The following PXDNL variants were observed in gnomAD, a reference collection of about 807,000 sequenced individuals.
PXDNL encodes the protein peroxidasin like.
In PXDNL, 145 loss-of-function variants were observed where a neutral mutation model predicts 150.8. That is an observed-to-expected ratio of 0.96 (90% CI 0.84 to 1.10). The LOEUF (loss-of-function observed/expected upper bound fraction) is 1.10. PXDNL is among the 50% of genes least tolerant of loss of function. PXDNL has a pLI of 0.00. For synonymous variants in PXDNL, 757 were observed against 725.7 expected (o/e 1.04, Z -0.69); for missense variants, 2,087 against 1,873.9 (o/e 1.11, Z -2.10).
chr8:51,461,703 T>C (rs1045063721), intron 8 of PXDNL, among the ~76,000 whole-genome samples: 3 of 152,192 alleles, frequency 2.0e-5, no homozygotes, highest in African/African-American at 7.2e-5. Context: ...GGGTTTCCCC[T>C]AAGAGTGAGG....
At chr8:51,691,759 A>G (rs751090890) in intron 1 of PXDNL, among the ~76,000 whole-genome samples, 4 of 152,084 alleles carry the variant, frequency 2.6e-5, no homozygotes, top group Non-Finnish European at 4.4e-5. Flanking sequence ...TAAAAGCACT[A>G]CCTTATGAAC....
intron 21 of PXDNL, among the ~76,000 whole-genome samples, chr8:51,339,319 G>A (rs28662311): frequency 6.0e-4 from 92 of 152,306 alleles, no homozygotes; most frequent in African/African-American, 2.2e-3. Flanking sequence ...ACTTAGCTGG[G>A]TGTAGTGACG....
intron 3 of PXDNL, among the ~76,000 whole-genome samples, chr8:51,559,518 C>T (rs531407162): frequency 1.2e-4 from 19 of 152,080 alleles, no homozygotes; most frequent in African/African-American, 1.2e-4. Context: ...TCACCCAGAG[C>T]ACAATCTACC....
At chr8:51,634,123 A>G (rs1411725830) in intron 2 of PXDNL, among the ~76,000 whole-genome samples, 2 of 151,944 alleles carry the variant, frequency 1.3e-5, no homozygotes, top group Non-Finnish European at 2.9e-5. Flanking sequence ...TTATATCTGT[A>G]TCTTTAGTGC....
At chr8:51,722,984 A>G (rs1368942676) in intron 1 of PXDNL, among the ~76,000 whole-genome samples, 1 of 152,080 alleles carries the variant, frequency 6.6e-6, no homozygotes, top group East Asian at 1.9e-4. Flanking sequence ...TTGGCACTCA[A>G]GGGGTCTCAG....
At chr8:51,744,222 G>C (rs2036947834) in intron 1 of PXDNL, among the ~76,000 whole-genome samples, 2 of 135,312 alleles carry the variant, frequency 1.5e-5, no homozygotes, top group African/African-American at 5.5e-5. Flanking sequence ...GGAAGGAAGG[G>C]AAGAAGAGAA....
At chr8:51,577,607 T>C (rs1813085386) in intron 3 of PXDNL, among the ~76,000 whole-genome samples, 1 of 140,566 alleles carries the variant, frequency 7.1e-6, no homozygotes, top group Non-Finnish European at 1.5e-5. Context: ...TATATATATA[T>C]ATAATCAGGC....
intron 4 of PXDNL, among the ~76,000 whole-genome samples, chr8:51,518,912 G>C (rs929664126): frequency 6.6e-6 from 1 of 152,132 alleles, no homozygotes; most frequent in Non-Finnish European, 1.5e-5. Flanking sequence ...GAAGGAAGAA[G>C]GGGTGGGAGG....
intron 7 of PXDNL, 123 bp from the exon 8 acceptor site, chr8:51,472,427 G>A: frequency 1.6e-6 from 1 of 637,178 alleles, no homozygotes; most frequent in Non-Finnish European, 2.7e-6. Context: ...ACATCGAACT[G>A]CATTTACCCG....
At position 51,583,153 on chromosome 8, in the gene PXDNL, C is replaced by T. The variant is rs185511706; in HGVS notation, c.308+9474G>A. Among the ~76,000 whole-genome samples, 37 of 152,118 alleles carry T rather than the reference C, an allele frequency of 2.4e-4. No individual in the cohort carries two copies. In the East Asian group the frequency reaches 6.4e-3, roughly 26 times the overall value. On this transcript the variant is annotated intron_variant, in intron 3 of 22. Coordinates refer to ENST00000356297, the MANE Select transcript of PXDNL (RefSeq NM_144651.5). ...TATTTTTTAGGTGATTGTGTTAGTC[C>T]ATTGGCATCGCTTTAAAGGAATATC...
chr8:51,609,232 A>C (rs1563482433), intron 2 of PXDNL, among the ~76,000 whole-genome samples: 1 of 152,244 alleles, frequency 6.6e-6, no homozygotes, highest in Non-Finnish European at 1.5e-5. Context: ...TCTGTAAAAA[A>C]GAAAAAGTAA....
rs372001140 is a variant in PXDNL at position 51,423,597 on chromosome 8, G to C, written c.1773C>G (p.Thr591=). The C allele has an allele frequency of 2.6e-5, 42 of 1,613,608 alleles. No individual in the cohort carries two copies. The African/African-American group carries it at 4.5e-4, about 17-fold the overall frequency. Residue 591 remains threonine (T), a synonymous_variant, in exon 14 of 23, where the codon ACC becomes ACG. Transcript: ENST00000356297. ...TACCCGTGACTGTAAGAAACATGTTGGTCACAGCAAGGCCAAAAGAATTCC... is the reference window on the plus strand; with the variant it reads ...TACCCGTGACTGTAAGAAACATGTTCGTCACAGCAAGGCCAAAAGAATTCC... ...VARNSFGLAV[T]NMFLTVTAIQ... is the part of the protein sequence containing the mutation.
chr8:51,583,799 C>T (rs1396900545), intron 3 of PXDNL, among the ~76,000 whole-genome samples: 2 of 152,048 alleles, frequency 1.3e-5, no homozygotes, highest in African/African-American at 2.4e-5. Flanking sequence ...TGGATGAACA[C>T]ATGGATGAAA....
chr8:51,532,051 A>G (rs1159538677), intron 4 of PXDNL, among the ~76,000 whole-genome samples: 1 of 134,446 alleles, frequency 7.4e-6, no homozygotes, highest in Non-Finnish European at 1.7e-5. Flanking sequence ...GTAGATCAAG[A>G]TTATAAATTG....
chr8:51,592,787 A>G, intron 2 of PXDNL, 89 bp from the exon 3 acceptor site: 1 of 840,656 alleles, frequency 1.2e-6, no homozygotes, highest in Non-Finnish European at 1.7e-6. Flanking sequence ...AGTGCTTTAC[A>G]CAACAGAAAA....
intron 2 of PXDNL, among the ~76,000 whole-genome samples, chr8:51,627,907 G>A (rs1424183081): frequency 1.3e-5 from 2 of 152,124 alleles, no homozygotes; most frequent in Non-Finnish European, 2.9e-5. Context: ...CTGAGACAAG[G>A]TGCTTGTCTT....
At chr8:51,786,785 T>G (rs1236220996) in intron 1 of PXDNL, among the ~76,000 whole-genome samples, 2 of 152,192 alleles carry the variant, frequency 1.3e-5, no homozygotes, top group African/African-American at 4.8e-5. Context: ...CAACAGATTT[T>G]CAATGTAAAG....
chr8:51,332,854 C>T (rs935950758), intron 21 of PXDNL, among the ~76,000 whole-genome samples: 3 of 152,146 alleles, frequency 2.0e-5, no homozygotes, highest in Non-Finnish European at 4.4e-5. Flanking sequence ...TATGACCAAA[C>T]CTAAGAATAA....
intron 17 of PXDNL, among the ~76,000 whole-genome samples, chr8:51,391,662 C>G (rs192497532): frequency 6.6e-6 from 1 of 152,036 alleles, no homozygotes; most frequent in Non-Finnish European, 1.5e-5. Context: ...GAGCAGGTTG[C>G]GAAAATTTTC....
Sources: allele counts gnomAD v4.1 joint callset (sites outside exome capture counted in the v4.1 genomes callset), GRCh38; gene constraint gnomAD v4.1.1; transcripts MANE v1.5; gene names NCBI Gene and HGNC (gene_info 2026-07-23, HGNC 2026-07-21).